ROBO1: variants seen among roughly 807,000 people sequenced by gnomAD.
ROBO1 encodes the protein roundabout homolog 1.
ROBO1 carries 149 observed loss-of-function variants against 195.9 expected under a neutral mutation model. That is an observed-to-expected ratio of 0.76 (90% confidence interval 0.67 to 0.87). The LOEUF (loss-of-function observed/expected upper bound fraction) is 0.87. Ranked by LOEUF, ROBO1 falls within the 40% of genes least tolerant of loss-of-function variation. The pLI, the probability that ROBO1 is intolerant of heterozygous loss-of-function variation, is 0.00. For missense variants in ROBO1, 1,933 were observed against 2,068.3 expected, an observed-to-expected ratio of 0.93 and a Z score of 1.27; for synonymous variants, 816 against 733.2, an observed-to-expected ratio of 1.11 and a Z score of -1.82.
chr3:78,826,404 T>G (rs555886600), intron 4 of ROBO1, among the ~76,000 whole-genome samples: 1 of 152,318 alleles, frequency 6.6e-6, no homozygotes, highest in South Asian at 2.1e-4. Context: ...ATGCCATGAT[T>G]TGGGACTAAA....
chr3:79,550,871 C>A (rs1942484233), intron 2 of ROBO1, among the ~76,000 whole-genome samples: 1 of 152,066 alleles, frequency 6.6e-6, no homozygotes, highest in African/African-American at 2.4e-5. Context: ...GCCTTAATCC[C>A]CAATGCAATC....
intron 2 of ROBO1, among the ~76,000 whole-genome samples, chr3:79,437,566 T>C (rs1275460654): frequency 6.6e-6 from 1 of 152,006 alleles, no homozygotes; most frequent in Non-Finnish European, 1.5e-5. Flanking sequence ...AATGTGCAAG[T>C]TGAGACATAT....
intron 2 of ROBO1, among the ~76,000 whole-genome samples, chr3:79,422,224 CA>C (rs2038256961): frequency 6.7e-6 from 1 of 148,414 alleles, no homozygotes; most frequent in Non-Finnish European, 1.5e-5. Flanking sequence ...TTTTATGTAT[CA>C]TTATATATTG....
intron 3 of ROBO1, among the ~76,000 whole-genome samples, chr3:79,048,482 A>C (rs1376632075): frequency 1.3e-5 from 2 of 152,086 alleles, no homozygotes; most frequent in Admixed American, 6.6e-5. Context: ...CTGTCTTGGC[A>C]TGTGCTTCTC....
At chr3:78,872,488 A>G (rs1191377184) in intron 4 of ROBO1, among the ~76,000 whole-genome samples, 1 of 152,140 alleles carries the variant, frequency 6.6e-6, no homozygotes, top group African/African-American at 2.4e-5. Flanking sequence ...GAACAAAAGA[A>G]TTTTTTTTAT....
At chr3:78,775,646 G>A (rs1277162656) in intron 4 of ROBO1, among the ~76,000 whole-genome samples, 1 of 152,152 alleles carries the variant, frequency 6.6e-6, no homozygotes. Context: ...AAAAATACAT[G>A]CTTTAAAGCA....
At chr3:78,800,510 T>C (rs1211670788) in intron 4 of ROBO1, among the ~76,000 whole-genome samples, 1 of 152,092 alleles carries the variant, frequency 6.6e-6, no homozygotes, top group Non-Finnish European at 1.5e-5. Flanking sequence ...AATAATACTA[T>C]CCACAGTTGT....
chr3:78,955,153 T>A (rs1050294310), intron 3 of ROBO1, among the ~76,000 whole-genome samples: 1 of 114,676 alleles, frequency 8.7e-6, no homozygotes, highest in Non-Finnish European at 1.7e-5. Flanking sequence ...TATAGGTAAA[T>A]TGTGTGTCAT....
At chr3:78,960,271 C>A (rs200504847) in intron 3 of ROBO1, among the ~76,000 whole-genome samples, 1 of 151,280 alleles carries the variant, frequency 6.6e-6, no homozygotes, top group African/African-American at 2.4e-5. Flanking sequence ...CAAATATCTA[C>A]CAATGCAAAT....
At chr3:78,750,445 T>G (rs1371527785) in intron 4 of ROBO1, among the ~76,000 whole-genome samples, 2 of 137,212 alleles carry the variant, frequency 1.5e-5, no homozygotes, top group African/African-American at 5.4e-5. Flanking sequence ...AGAGCAAGAC[T>G]CCATCTCAAA....
intron 2 of ROBO1, among the ~76,000 whole-genome samples, chr3:79,486,153 G>C (rs980555963): frequency 1.3e-5 from 2 of 152,058 alleles, no homozygotes; most frequent in Admixed American, 6.6e-5. Context: ...TCAGAAGAGT[G>C]AGCAGCATAG....
intron 1 of ROBO1, among the ~76,000 whole-genome samples, chr3:79,618,410 TGATGACATTCCAC>T (rs1267228183): frequency 3.9e-5 from 6 of 152,182 alleles, no homozygotes; most frequent in Non-Finnish European, 5.9e-5. Flanking sequence ...CTGCCTGAAC[TGATGACATTCCAC>T]CATTGTGATT....
intron 2 of ROBO1, among the ~76,000 whole-genome samples, chr3:79,398,227 A>C (rs1387079180): frequency 1.3e-5 from 2 of 152,196 alleles, no homozygotes; most frequent in Admixed American, 6.5e-5. Context: ...AATAAAATAC[A>C]TATGTAATAA....
chr3:79,030,920 C>G (rs2078284123), intron 3 of ROBO1, among the ~76,000 whole-genome samples: 1 of 152,108 alleles, frequency 6.6e-6, no homozygotes, highest in African/African-American at 2.4e-5. Flanking sequence ...CGGGGTTTCT[C>G]CATGTTGGCC....
chr3:78,675,897 C>A (rs1397315095), intron 10 of ROBO1, among the ~76,000 whole-genome samples: 1 of 152,076 alleles, frequency 6.6e-6, no homozygotes. Context: ...ACCCCTGACC[C>A]CCGAGCAGCC....
intron 4 of ROBO1, among the ~76,000 whole-genome samples, chr3:78,857,748 T>G (rs1559931097): frequency 6.6e-6 from 1 of 152,178 alleles, no homozygotes; most frequent in Non-Finnish European, 1.5e-5. Context: ...GAAATTTGCC[T>G]AAGGATACAC....
At chr3:78,871,359 C>A (rs1333364706) in intron 4 of ROBO1, among the ~76,000 whole-genome samples, 1 of 152,084 alleles carries the variant, frequency 6.6e-6, no homozygotes, top group Non-Finnish European at 1.5e-5. Context: ...ATACACTGAG[C>A]TTTAGATTTT....
chr3:79,081,984 A>G (rs2079283030), intron 3 of ROBO1, among the ~76,000 whole-genome samples: 1 of 152,160 alleles, frequency 6.6e-6, no homozygotes. Context: ...ATTTTCTTAA[A>G]TGGGATGTTT....
At chr3:78,845,084 A>G (rs1326684152) in intron 4 of ROBO1, among the ~76,000 whole-genome samples, 3 of 152,150 alleles carry the variant, frequency 2.0e-5, no homozygotes, top group African/African-American at 7.2e-5. Context: ...TTATTACAAA[A>G]TAAGTCTTTG....
Sources: allele counts gnomAD v4.1 joint callset (sites outside exome capture counted in the v4.1 genomes callset), GRCh38; gene constraint gnomAD v4.1.1; transcripts MANE v1.5; gene names NCBI Gene and HGNC (gene_info 2026-07-23, HGNC 2026-07-21).